SOS2: variants seen among roughly 807,000 people sequenced by gnomAD.
The protein encoded by SOS2 is son of sevenless homolog 2.
Under a neutral mutation model 148.2 loss-of-function variants are expected in SOS2, and 65 were observed. That is an observed-to-expected ratio of 0.44 (90% CI 0.36 to 0.54). The LOEUF is 0.54. Ranked by LOEUF, SOS2 falls within the 20% of genes least tolerant of loss-of-function variation. The pLI is 0.00. For synonymous variants in SOS2, 539 were observed against 537.1 expected, an observed-to-expected ratio of 1.00 and a Z score of -0.05; for missense variants, 1,341 against 1,590.2, an observed-to-expected ratio of 0.84 and a Z score of 2.67.
chr14:50,215,351 A>T, intron 1 of SOS2: 1 of 1,257,472 alleles, frequency 8.0e-7, no homozygotes, highest in Non-Finnish European at 1.0e-6. Flanking sequence ...CATAAAAATA[A>T]ACACACAATG....
At chr14:50,183,192 C>T (rs1479848094) in intron 5 of SOS2, among the ~76,000 whole-genome samples, 5 of 152,020 alleles carry the variant, frequency 3.3e-5, no homozygotes, top group East Asian at 3.9e-4. Context: ...ACTTTCATGC[C>T]CCCCTTACAC....
intron 1 of SOS2, among the ~76,000 whole-genome samples, chr14:50,217,707 A>C (rs1887074710): frequency 6.6e-6 from 1 of 152,218 alleles, no homozygotes; most frequent in African/African-American, 2.4e-5. Flanking sequence ...CTGTAATCCC[A>C]GCACTTTGGG....
intron 1 of SOS2, among the ~76,000 whole-genome samples, chr14:50,212,833 C>T (rs2355882): frequency 0.6 from 91,772 of 151,854 alleles, 28,556 homozygotes; most frequent in Non-Finnish European, 0.69. Context: ...TGAGGAGGAG[C>T]AGATTATATA....
rs2139528773 is a variant in SOS2, at chr14:50,134,174, GA to G, written c.3023del (p.Phe1008SerfsTer5). 2 of 1,609,440 alleles carry G rather than the reference GA, an allele frequency of 1.2e-6. No homozygotes were observed. The highest frequency in any genetic ancestry group is 8.5e-7 in the Non-Finnish European group (1 of 1,176,454). On this transcript the variant is annotated frameshift_variant, in exon 19 of 23. Coordinates refer to ENST00000216373, the MANE Select transcript of SOS2 (RefSeq NM_006939.4). LOFTEE classifies it high-confidence loss of function. ...ASEKEFTDYL[F>X]NKSLEIEPRN... ...GAGGTTCAATTTCTAGTGACTTGTT[GA>G]ACAAATAATCTGTAAACTCTTTTTC...
chr14:50,178,503 G>T (rs1411827900), intron 7 of SOS2, among the ~76,000 whole-genome samples: 2 of 151,538 alleles, frequency 1.3e-5, no homozygotes, highest in East Asian at 3.9e-4. Flanking sequence ...TCACTCTGTA[G>T]CCCAGGCTTG....
intron 14 of SOS2, 22 bp from the exon 15 acceptor site, chr14:50,145,618 C>A: frequency 6.7e-7 from 1 of 1,482,842 alleles, no homozygotes; most frequent in Non-Finnish European, 9.2e-7. Context: ...AAAATCAGTG[C>A]AACTTAACCT....
At chr14:50,193,308 C>T (rs1886211667) in intron 4 of SOS2, among the ~76,000 whole-genome samples, 1 of 152,064 alleles carries the variant, frequency 6.6e-6, no homozygotes, top group South Asian at 2.1e-4. Context: ...TCCAAAAGTG[C>T]TGGGATTACA....
chr14:50,223,444 G>A (rs1887257309), intron 1 of SOS2, among the ~76,000 whole-genome samples: 2 of 152,112 alleles, frequency 1.3e-5, no homozygotes, highest in Admixed American at 1.3e-4. Flanking sequence ...GGAGGCCGGG[G>A]CGGGCAGGTG....
intron 8 of SOS2, among the ~76,000 whole-genome samples, chr14:50,164,911 A>G (rs1299353908): frequency 1.3e-5 from 2 of 152,194 alleles, no homozygotes; most frequent in Non-Finnish European, 1.5e-5. Flanking sequence ...CTGAATCACC[A>G]ATTTTTAACA....
intron 4 of SOS2, among the ~76,000 whole-genome samples, chr14:50,197,482 T>C (rs1445319715): frequency 6.6e-6 from 1 of 152,066 alleles, no homozygotes; most frequent in Admixed American, 6.6e-5. Flanking sequence ...CATTACCTGA[T>C]TCTAACCAAG....
chr14:50,132,444 T>C (rs1883909498), intron 19 of SOS2, among the ~76,000 whole-genome samples: 1 of 151,010 alleles, frequency 6.6e-6, no homozygotes, highest in Non-Finnish European at 1.5e-5. Flanking sequence ...GTGGATCACT[T>C]GAGGTCAGGA....
At chr14:50,177,968 C>T (rs1176474338) in intron 7 of SOS2, among the ~76,000 whole-genome samples, 3 of 151,948 alleles carry the variant, frequency 2.0e-5, no homozygotes, top group African/African-American at 4.8e-5. Flanking sequence ...TAAGAAGTCA[C>T]CAGTATATAG....
At chr14:50,192,471 G>A (rs1409589483) in intron 4 of SOS2, among the ~76,000 whole-genome samples, 2 of 152,124 alleles carry the variant, frequency 1.3e-5, no homozygotes, top group African/African-American at 2.4e-5. Context: ...TGGGAGAATC[G>A]CTTGAACACG....
chr14:50,228,493 TTAAG>T (rs2139883168), intron 1 of SOS2, among the ~76,000 whole-genome samples: 1 of 152,336 alleles, frequency 6.6e-6, no homozygotes, highest in Admixed American at 6.5e-5. Context: ...AATTTTCATA[TTAAG>T]TGACTTTAAC....
intron 8 of SOS2, among the ~76,000 whole-genome samples, chr14:50,172,014 A>T (rs991318566): frequency 7.9e-5 from 12 of 152,200 alleles, no homozygotes; most frequent in Non-Finnish European, 1.3e-4. Flanking sequence ...GACAGTATAC[A>T]TATTTTTTAA....
At chr14:50,174,050 T>C (rs182083251) in intron 8 of SOS2, among the ~76,000 whole-genome samples, 246 of 152,318 alleles carry the variant, frequency 1.6e-3, no homozygotes, top group Non-Finnish European at 2.2e-3. Flanking sequence ...TCATTGACTA[T>C]AATGGCCTGA....
chr14:50,117,406 T>A lies in SOS2; in HGVS notation c.*938A>T, dbSNP rs991269315. ...ATCTAAAAAATATATTTAAAAAAAA[T>A]TTCAGTTAACACGAGATTTATAGAG... On this transcript the variant is annotated 3_prime_UTR_variant, in exon 23 of 23. Coordinates refer to ENST00000216373, the MANE Select transcript of SOS2 (RefSeq NM_006939.4). 3.9e-5 allele frequency: 6 copies of A among 152,216 alleles called. No individual in the cohort carries two copies. Among genetic ancestry groups the A allele is most frequent in the African/African-American group, 1.4e-4 (6 of 41,454 alleles). 9.4% of individuals were successfully genotyped at this position (152,216 alleles called of 1,614,324 possible).
intron 6 of SOS2, among the ~76,000 whole-genome samples, chr14:50,181,935 G>T (rs899477667): frequency 6.7e-6 from 1 of 149,934 alleles, no homozygotes; most frequent in African/African-American, 2.5e-5. Flanking sequence ...ATCCATAGAA[G>T]GTAAAGAGCT....
In SOS2 at chr14:50,152,096, A is replaced by T. The variant is rs547951006; in HGVS notation, c.2161+974T>A. ...CATAAAAATGTATCATAAACATCTCAAAGTAGAAACAAAGGAATAACATTC... is the reference window on the plus strand; with the variant it reads ...CATAAAAATGTATCATAAACATCTCTAAGTAGAAACAAAGGAATAACATTC... On this transcript the variant is annotated intron_variant, in intron 13 of 22. Transcript: ENST00000216373. Among the ~76,000 whole-genome samples, 4 of 152,328 alleles carry T rather than the reference A, an allele frequency of 2.6e-5. No individual in the cohort carries two copies. In the East Asian group the frequency reaches 7.7e-4, roughly 29 times the overall value.
Sources: gnomAD v4.1 joint callset for allele counts (sites outside exome capture counted in the v4.1 genomes callset) on GRCh38, gnomAD v4.1.1 for gene constraint, MANE v1.5 for transcripts, NCBI Gene and HGNC (gene_info 2026-07-23, HGNC 2026-07-21) for gene names.